The following QKI variants were observed in gnomAD, a reference collection of about 807,000 sequenced individuals.
QKI encodes QKI, KH domain containing RNA binding.
A neutral mutation model predicts 39.0 loss-of-function variants in QKI; 10 were observed. The ratio of observed to expected loss-of-function variants is 0.26; its 90% CI spans 0.16 to 0.43. The LOEUF (loss-of-function observed/expected upper bound fraction) is 0.43, where lower values mean the gene tolerates loss of function less well. Among genes scored for constraint, QKI ranks in the 20% least tolerant of loss-of-function variants. The pLI, the probability that QKI is intolerant of heterozygous loss-of-function variation, is 1.00. For synonymous variants in QKI, 204 were observed against 155.4 expected, an observed-to-expected ratio of 1.31 and a Z score of -2.33; for missense variants, 218 against 428.0, an observed-to-expected ratio of 0.51 and a Z score of 4.33.
At chr6:163,525,319 C>T (rs1189278425) in intron 3 of QKI, among the ~76,000 whole-genome samples, 2 of 139,696 alleles carry the variant, frequency 1.4e-5, no homozygotes, top group Non-Finnish European at 3.1e-5. Context: ...CTCCTCTTTT[C>T]TCTCTCTCCT....
chr6:163,540,121 AAGAT>A (rs1236129495), intron 4 of QKI, among the ~76,000 whole-genome samples: 2 of 151,612 alleles, frequency 1.3e-5, no homozygotes, highest in African/African-American at 4.8e-5. Flanking sequence ...TTTTTTTGGA[AAGAT>A]AGAGTAAGTT....
rs1202117144 is a variant in QKI, at chr6:163,574,550, T to G, written c.*3840T>G. 6.6e-6 allele frequency: 1 copy of G among 152,224 alleles called. No individual in the cohort carries two copies. The highest frequency in any genetic ancestry group is 2.4e-5 in the African/African-American group (1 of 41,460). The allele number at this position is 152,224 out of a possible 1,614,324, so 9.4% of individuals were successfully genotyped here. A position where few individuals can be genotyped will look rare whatever the true frequency, so the allele number is the denominator to read the frequency against. ...TACAAATACAGTCAGACTAAAACAT[T>G]AAACAAGAAGTTTAAGGGGGAATAA... On this transcript the variant is annotated 3_prime_UTR_variant, in exon 8 of 8. Coordinates refer to ENST00000361752, the MANE Select transcript of QKI (RefSeq NM_006775.3).
chr6:163,472,411 A>C (rs1364594181), intron 2 of QKI, among the ~76,000 whole-genome samples: 1 of 152,068 alleles, frequency 6.6e-6, no homozygotes, highest in African/African-American at 2.4e-5. Context: ...GAGGTGATGG[A>C]GGTGGGAGGG....
chr6:163,473,869 T>C (rs917609737), intron 2 of QKI, among the ~76,000 whole-genome samples: 1 of 152,062 alleles, frequency 6.6e-6, no homozygotes, highest in Non-Finnish European at 1.5e-5. Flanking sequence ...CTGAGACGTG[T>C]ATTATGAGAA....
intron 4 of QKI, among the ~76,000 whole-genome samples, chr6:163,552,060 C>T (rs1034189013): frequency 6.6e-6 from 1 of 151,948 alleles, no homozygotes; most frequent in Non-Finnish European, 1.5e-5. Context: ...TTGATCAACA[C>T]ATATTTTGTA....
chr6:163,524,718 C>T (rs546847072), intron 3 of QKI, among the ~76,000 whole-genome samples: 5 of 152,134 alleles, frequency 3.3e-5, no homozygotes, highest in South Asian at 4.1e-4. Context: ...CTACCTGCCC[C>T]GGCCTCCCAA....
chr6:163,564,894 T>G (rs1783257734), intron 6 of QKI: 6 of 1,371,804 alleles, frequency 4.4e-6, no homozygotes, highest in East Asian at 2.6e-5. Context: ...TCTTTTAAGG[T>G]TTTTTTTCCC....
At chr6:163,468,365 C>T (rs545824139) in intron 2 of QKI, among the ~76,000 whole-genome samples, 2 of 152,286 alleles carry the variant, frequency 1.3e-5, no homozygotes, top group South Asian at 4.1e-4. Flanking sequence ...GCACAGATTA[C>T]ACTTTATCAG....
chr6:163,474,907 A>G (rs1792474323), intron 2 of QKI, among the ~76,000 whole-genome samples: 1 of 152,118 alleles, frequency 6.6e-6, no homozygotes, highest in African/African-American at 2.4e-5. Flanking sequence ...GCCTAAACAA[A>G]AATAAACTTG....
chr6:163,527,286 A>G (rs1780576433), intron 3 of QKI, among the ~76,000 whole-genome samples: 1 of 152,202 alleles, frequency 6.6e-6, no homozygotes, highest in Non-Finnish European at 1.5e-5. Context: ...CAGTTTCTCA[A>G]TGAACATTTC....
rs2128221747 is a variant in QKI, at chr6:163,465,424, G to C, written c.285+10003G>C. Among the ~76,000 whole-genome samples, 3 of 152,164 alleles carry C rather than the reference G, an allele frequency of 2.0e-5. No homozygotes were observed. In the South Asian group the frequency reaches 6.2e-4, roughly 32 times the overall value. ...GTGGGCGGATCACTTGAGGTCAAGA[G>C]TTGGAGACCAGCCTGGCCAACATGA... On this transcript the variant is annotated intron_variant, in intron 2 of 7. Transcript: ENST00000361752.
chr6:163,483,083 A>AT lies in QKI; in HGVS notation c.402+4194dup, dbSNP rs1398145049. Reference sequence around the variant, plus strand: ...AACATTGCGATAAAGCTAGTCACACATTTTTTTAGTTTCCTAGTGCATATA... The same window carrying AT: ...AACATTGCGATAAAGCTAGTCACACATTTTTTTTAGTTTCCTAGTGCATATA... On this transcript the variant is annotated intron_variant, in intron 3 of 7. Coordinates refer to ENST00000361752, the MANE Select transcript of QKI (RefSeq NM_006775.3). Among the ~76,000 whole-genome samples, 7 of 152,276 alleles carry AT rather than the reference A, an allele frequency of 4.6e-5. No individual in the cohort carries two copies. The South Asian group carries it at 1.0e-3, about 23-fold the overall frequency.
chr6:163,553,192 C>T (rs1480274063), intron 4 of QKI, among the ~76,000 whole-genome samples: 1 of 151,676 alleles, frequency 6.6e-6, no homozygotes, highest in Non-Finnish European at 1.5e-5. Flanking sequence ...CAACCTGCAC[C>T]TCCTGGGTTC....
At chr6:163,522,507 T>A (rs562903053) in intron 3 of QKI, among the ~76,000 whole-genome samples, 12 of 152,216 alleles carry the variant, frequency 7.9e-5, no homozygotes, top group African/African-American at 2.6e-4. Flanking sequence ...GGGAGAGGCC[T>A]TTTTGTGCGT....
Position 163,421,282 on chromosome 6 carries a change from AT to A in QKI, c.142+5950del, listed in dbSNP as rs531697792. ...CTTTACTGTCATTGTTGGGAAGGAG[AT>A]TTAGGAAGATAAAATTGCTTTACTT... On this transcript the variant is annotated intron_variant, in intron 1 of 7. Coordinates refer to ENST00000361752, the MANE Select transcript of QKI (RefSeq NM_006775.3). Among the ~76,000 whole-genome samples the A allele has an allele frequency of 3.1e-3, 476 of 152,214 alleles. 1 individual carries two copies. The highest frequency in any genetic ancestry group is 0.014 in the Middle Eastern group (4 of 294).
At chr6:163,515,274 T>C (rs1422837472) in intron 3 of QKI, among the ~76,000 whole-genome samples, 2 of 152,148 alleles carry the variant, frequency 1.3e-5, no homozygotes, top group Non-Finnish European at 2.9e-5. Context: ...TCAGTGTAAA[T>C]AGACACAGAC....
intron 2 of QKI, among the ~76,000 whole-genome samples, chr6:163,470,809 A>C (rs1449966349): frequency 6.6e-6 from 1 of 152,176 alleles, no homozygotes; most frequent in East Asian, 1.9e-4. Flanking sequence ...ACTGGAAGAT[A>C]GCTCAGAAGA....
At chr6:163,533,922 G>A (rs1479284186) in intron 3 of QKI, among the ~76,000 whole-genome samples, 1 of 152,112 alleles carries the variant, frequency 6.6e-6, no homozygotes, top group Non-Finnish European at 1.5e-5. Context: ...GTGAATTGTT[G>A]CAGAAAGCAG....
intron 2 of QKI, among the ~76,000 whole-genome samples, chr6:163,465,521 C>G (rs117001495): frequency 6.7e-6 from 1 of 150,164 alleles, no homozygotes; most frequent in Non-Finnish European, 1.5e-5. Flanking sequence ...CCAGCTTGCT[C>G]GGGAGGCTGA....
Sources: gnomAD v4.1 joint callset for allele counts (sites outside exome capture counted in the v4.1 genomes callset) on GRCh38, gnomAD v4.1.1 for gene constraint, MANE v1.5 for transcripts, NCBI Gene and HGNC (gene_info 2026-07-23, HGNC 2026-07-21) for gene names.